The following GSN variants were observed in gnomAD, a reference collection of about 807,000 sequenced individuals.
GSN encodes the protein gelsolin.
A neutral mutation model predicts 85.7 loss-of-function variants in GSN; 56 were observed. The observed-to-expected ratio is 0.65, with a 90% CI of 0.53 to 0.82. The LOEUF (loss-of-function observed/expected upper bound fraction) is 0.82, where lower values mean the gene tolerates loss of function less well. Ranked by LOEUF, GSN falls within the 40% of genes least tolerant of loss-of-function variation. GSN has a pLI of 0.00. For synonymous variants in GSN, 373 were observed against 399.1 expected (o/e 0.93, Z 0.78); for missense variants, 857 against 979.8 (o/e 0.87, Z 1.67).
chr9:121,211,545 G>A (rs2053968038), intron 4 of GSN, among the ~76,000 whole-genome samples: 2 of 152,064 alleles, frequency 1.3e-5, no homozygotes, highest in African/African-American at 4.8e-5. Flanking sequence ...TAATTAATTG[G>A]GGATCTGGCT....
At chr9:121,275,473 C>A (rs2056554684) in intron 1 of GSN, among the ~76,000 whole-genome samples, 1 of 152,188 alleles carries the variant, frequency 6.6e-6, no homozygotes, top group Non-Finnish European at 1.5e-5. Flanking sequence ...CTTCCCATTT[C>A]ATGGACTCAG....
At chr9:121,260,699 G>A (rs1158331069) in intron 6 of GSN, among the ~76,000 whole-genome samples, 1 of 152,216 alleles carries the variant, frequency 6.6e-6, no homozygotes, top group Admixed American at 6.5e-5. Context: ...CTTGCCCAGG[G>A]TCATTTGCAA....
intron 3 of GSN, 126 bp from the exon 4 acceptor site, chr9:121,302,785 G>T: frequency 5.5e-6 from 5 of 907,478 alleles, no homozygotes; most frequent in Non-Finnish European, 9.0e-6. Flanking sequence ...CTCACAGAAG[G>T]CAAGGGCTTT....
chr9:121,255,424 C>T (rs891901518), intron 6 of GSN, among the ~76,000 whole-genome samples: 18 of 152,208 alleles, frequency 1.2e-4, no homozygotes, highest in Admixed American at 7.8e-4. Flanking sequence ...TTTATAGAGA[C>T]GGGATATTAC....
intron 2 of GSN, among the ~76,000 whole-genome samples, chr9:121,301,174 T>A (rs953290099): frequency 1.2e-4 from 19 of 152,192 alleles, no homozygotes; most frequent in African/African-American, 4.6e-4. Flanking sequence ...CTGGGGACCC[T>A]TAGATTTACT....
Position 121,299,340 on chromosome 9 carries a change from C to G in GSN, c.-9-2623C>G, listed in dbSNP as rs950596140. The G allele has an allele frequency of 1.0e-6, 1 of 983,552 alleles. No homozygotes were observed. The highest frequency in any genetic ancestry group is 1.2e-6 in the Non-Finnish European group (1 of 828,378). 60.9% of individuals were successfully genotyped at this position (983,552 alleles called of 1,614,324 possible). A position where few individuals can be genotyped will look rare whatever the true frequency, so the allele number is the denominator to read the frequency against. On this transcript the variant is annotated intron_variant, in intron 2 of 17. Coordinates refer to ENST00000432226, the MANE Select transcript of GSN (RefSeq NM_198252.3). The surrounding 1 kb of genome is among the most constrained non-coding windows in gnomAD (Gnocchi z 4.2). ...GGGGTTCTGCCCAGGCCCACTACGGCCTGAGTTCAAATCCCGGCAGCACCA... is the reference window on the plus strand; with the variant it reads ...GGGGTTCTGCCCAGGCCCACTACGGGCTGAGTTCAAATCCCGGCAGCACCA...
chr9:121,293,973 C>T (rs913088973), intron 2 of GSN, among the ~76,000 whole-genome samples: 2 of 152,134 alleles, frequency 1.3e-5, no homozygotes, highest in African/African-American at 4.8e-5. Context: ...CTCAAAGCCA[C>T]ACTGCTAATA....
chr9:121,331,504 G>C (rs1233345760), intron 17 of GSN, 56 bp downstream of exon 17: 1 of 1,031,626 alleles, frequency 9.7e-7, no homozygotes, highest in Non-Finnish European at 1.5e-6. Flanking sequence ...GTGGGGTGCT[G>C]GGAGTGGCTC....
chr9:121,205,946 G>A (rs1406273515), upstream of GSN, among the ~76,000 whole-genome samples: 1 of 151,612 alleles, frequency 6.6e-6, no homozygotes, highest in African/African-American at 2.4e-5. Flanking sequence ...TCTTATGCTT[G>A]TGAATTTTGG....
rs191922402 is a variant in GSN, at chr9:121,312,684, G to T, written c.663+196G>T. 431 of 511,672 alleles carry T rather than the reference G, an allele frequency of 8.4e-4. 2 individuals are homozygous for T. Among genetic ancestry groups the T allele is most frequent in the African/African-American group, 7.5e-3 (388 of 51,494 alleles). The allele number at this position is 511,672 out of a possible 1,614,324, so 31.7% of individuals were successfully genotyped here. ...TCATTGTTGCCTGAGCTGGAGTGCAGGGGCGCCATCACAGCTCACTGCAGC... is the reference window on the plus strand; with the variant it reads ...TCATTGTTGCCTGAGCTGGAGTGCATGGGCGCCATCACAGCTCACTGCAGC... On this transcript the variant is annotated intron_variant, in intron 6 of 17. Transcript: ENST00000432226.
At chr9:121,234,844 GT>G (rs1284073101) in intron 5 of GSN, among the ~76,000 whole-genome samples, 1 of 152,134 alleles carries the variant, frequency 6.6e-6, no homozygotes, top group Non-Finnish European at 1.5e-5. Flanking sequence ...GTGAGACCCC[GT>G]CTCTAAACAA....
In GSN at chr9:121,313,917, C is replaced by T. The variant is rs761862342; in HGVS notation, c.664-17C>T. The stretch of plus-strand genomic sequence containing the variant: ...CCTCACAGCCACCCTTCCTCTCCAT[C>T]TCTCTATCTCCTACAGGTGCTGGGC... On this transcript the variant is annotated splice_polypyrimidine_tract_variant and intron_variant, in intron 6 of 17. Coordinates refer to ENST00000432226, the MANE Select transcript of GSN (RefSeq NM_198252.3). The T allele has an allele frequency of 2.5e-6, 4 of 1,598,878 alleles. No homozygotes were observed. Among genetic ancestry groups the T allele is most frequent in the Non-Finnish European group, 3.4e-6 (4 of 1,165,994 alleles).
intron 2 of GSN, among the ~76,000 whole-genome samples, chr9:121,289,776 G>C (rs1333890512): frequency 1.3e-5 from 2 of 152,184 alleles, no homozygotes; most frequent in Admixed American, 1.3e-4. Flanking sequence ...TAGAGGTGAT[G>C]GCACAGGGGA....
At position 121,318,792 on chromosome 9, in the gene GSN, G is replaced by A. The variant is rs781764487; in HGVS notation, c.1103G>A (p.Arg368Gln). The stretch of plus-strand genomic sequence containing the variant: ...TCCAGCCATATCGCCAACGTGGAGC[G>A]GGTGCCCTTCGACGCCGCCACCCTG... ...YLSSHIANVE[R>Q]VPFDAATLHT... The change falls in exon 10 of 18, where the codon CGG becomes CAG. Residue 368 changes from arginine to glutamine, a missense_variant. Physicochemically the swap from Arg to Gln is conservative, Grantham distance 43. Transcript: ENST00000432226. This position sits in a 1 kb window ranked among gnomAD's most constrained non-coding sequence, Gnocchi z 4.3. 4.6e-5 allele frequency: 74 copies of A among 1,614,136 alleles called. 1 individual carries two copies. Among genetic ancestry groups the A allele is most frequent in the South Asian group, 4.1e-4 (37 of 91,086 alleles).
At chr9:121,258,122 C>T (rs2055005377) in intron 6 of GSN, among the ~76,000 whole-genome samples, 1 of 152,178 alleles carries the variant, frequency 6.6e-6, no homozygotes, top group Non-Finnish European at 1.5e-5. Flanking sequence ...CAGTGTCAGA[C>T]TGTTGTCAGT....
At chr9:121,260,090 A>G (rs987254719) in intron 6 of GSN, among the ~76,000 whole-genome samples, 1 of 152,388 alleles carries the variant, frequency 6.6e-6, no homozygotes, top group Middle Eastern at 3.4e-3. Context: ...GACTAAGCAC[A>G]GAGGAAGCTG....
chr9:121,287,345 A>G (rs1165725419), intron 2 of GSN, among the ~76,000 whole-genome samples: 2 of 152,152 alleles, frequency 1.3e-5, no homozygotes, highest in Middle Eastern at 3.2e-3. Context: ...AGGTCTGACC[A>G]GGCCCCTCTC....
chr9:121,304,657 T>C (rs530278975), intron 4 of GSN, among the ~76,000 whole-genome samples: 1 of 152,372 alleles, frequency 6.6e-6, no homozygotes, highest in South Asian at 2.1e-4. Context: ...TCATTGTTGC[T>C]ACACTATGGC....
At chr9:121,259,288 G>A (rs2055030946) in intron 6 of GSN, among the ~76,000 whole-genome samples, 1 of 152,188 alleles carries the variant, frequency 6.6e-6, no homozygotes, top group East Asian at 1.9e-4. Flanking sequence ...AGAATAACGA[G>A]ACAGGGGAGC....
Sources: gnomAD v4.1 joint callset for allele counts (sites outside exome capture counted in the v4.1 genomes callset) on GRCh38, gnomAD v4.1.1 for gene constraint, Gnocchi (gnomAD v3.1) non-coding constraint, MANE v1.5 for transcripts, NCBI Gene and HGNC (gene_info 2026-07-23, HGNC 2026-07-21) for gene names.